Variants in STAT4 observed in about 807,000 individuals in gnomAD.
The protein encoded by STAT4 is signal transducer and activator of transcription 4.
A neutral mutation model predicts 110.5 loss-of-function variants in STAT4; 42 were observed. That is an observed-to-expected ratio of 0.38 (90% CI 0.30 to 0.49). The LOEUF (loss-of-function observed/expected upper bound fraction) is 0.49. Among genes scored for constraint, STAT4 ranks in the 20% least tolerant of loss-of-function variants. The pLI is 0.95. For missense variants in STAT4, 632 were observed against 887.9 expected (o/e 0.71, Z 3.66); for synonymous variants, 284 against 302.2 (o/e 0.94, Z 0.63).
chr2:191,130,747 G>A (rs1282559136), intron 3 of STAT4, among the ~76,000 whole-genome samples: 1 of 151,522 alleles, frequency 6.6e-6, no homozygotes, highest in African/African-American at 2.4e-5. Flanking sequence ...AATTTGTGGT[G>A]AGCTTATCTG....
chr2:191,082,923 A>C lies in STAT4; in HGVS notation c.274-6598T>G, dbSNP rs573503576. Among the ~76,000 whole-genome samples the C allele has an allele frequency of 5.3e-5, 8 of 152,244 alleles. No homozygotes were observed. The highest frequency in any genetic ancestry group is 1.9e-4 in the African/African-American group (8 of 41,522). Reference sequence around the variant, plus strand: ...TAAACACATTTGGAGGGTTAATACCACATTTAACAAATTTCTTCTGTATTG... The same window carrying C: ...TAAACACATTTGGAGGGTTAATACCCCATTTAACAAATTTCTTCTGTATTG... On this transcript the variant is annotated intron_variant, in intron 3 of 23. Coordinates refer to ENST00000392320, the MANE Select transcript of STAT4 (RefSeq NM_003151.4). This position sits in a 1 kb window ranked among gnomAD's most constrained non-coding sequence, Gnocchi z 4.7.
intron 3 of STAT4, among the ~76,000 whole-genome samples, chr2:191,103,448 T>C (rs553304180): frequency 2.6e-5 from 4 of 152,240 alleles, no homozygotes; most frequent in Admixed American, 2.6e-4. Flanking sequence ...TTATATCCAA[T>C]TATAAACCTG....
At chr2:191,080,199 T>C (rs1464217166) in intron 3 of STAT4, among the ~76,000 whole-genome samples, 1 of 152,172 alleles carries the variant, frequency 6.6e-6, no homozygotes, top group African/African-American at 2.4e-5. Context: ...CAATGCTTTT[T>C]ATCACTTAGA....
chr2:191,039,144 G>T lies in STAT4; in HGVS notation c.1434+55C>A. On this transcript the variant is annotated intron_variant, in intron 16 of 23. Coordinates refer to ENST00000392320, the MANE Select transcript of STAT4 (RefSeq NM_003151.4). This position sits in a 1 kb window ranked among gnomAD's most constrained non-coding sequence, Gnocchi z 4.7. ...ATGTTTTGATGCAGATGTGTTTGTT[G>T]GCAATAAAACAAATCGAATAGCATT... 6.7e-7 allele frequency: 1 copy of T among 1,499,184 alleles called. No individual in the cohort carries two copies. Among genetic ancestry groups the T allele is most frequent in the Non-Finnish European group, 9.3e-7 (1 of 1,075,434 alleles). The allele number at this position is 1,499,184 out of a possible 1,614,324, so 92.9% of individuals were successfully genotyped here.
At chr2:191,151,445 A>G, upstream of STAT4, 1 of 985,664 alleles carries the variant, frequency 1.0e-6, no homozygotes, top group Non-Finnish European at 1.2e-6. This position sits in a 1 kb window ranked among gnomAD's most constrained non-coding sequence, Gnocchi z 4.7. Flanking sequence ...CACCAAACTC[A>G]TAGACCTTAC....
Position 191,033,452 on chromosome 2 carries a change from A to G in STAT4, c.1852+38T>C. On this transcript the variant is annotated intron_variant, in intron 20 of 23. Transcript: ENST00000392320. This position sits in a 1 kb window ranked among gnomAD's most constrained non-coding sequence, Gnocchi z 6.9. ...AAATCCCAGTAACCAAATTTAAGAA[A>G]ACTAATTTCACATGAATAAACATTA... 1.3e-6 allele frequency: 2 copies of G among 1,580,828 alleles called. No homozygotes were observed. The highest frequency in any genetic ancestry group is 1.2e-5 in the South Asian group (1 of 85,776).
rs1350322245 is a variant in STAT4 at position 191,033,601 on chromosome 2, C to T, written c.1741G>A (p.Glu581Lys). 1 of 1,613,826 alleles carries T rather than the reference C, an allele frequency of 6.2e-7. No homozygotes were observed. Among genetic ancestry groups the T allele is most frequent in the Non-Finnish European group, 8.5e-7 (1 of 1,179,958 alleles). ...TCCTTTAGCAACAGCCGTTCCTTCT[C>T]TTTGCTAACAAAGCCCATGACATAC... is the stretch of plus-strand genomic sequence containing the variant. The part of the protein sequence containing the change: ...DGYVMGFVSK[E>K]KERLLLKDKM... The change falls in exon 20 of 24, where the codon GAG becomes AAG. Residue 581 changes from glutamate (E) to lysine (K), a missense_variant. Glu to Lys is a moderately conservative substitution (Grantham distance 56). Coordinates refer to ENST00000392320, the MANE Select transcript of STAT4 (RefSeq NM_003151.4). The surrounding 1 kb of genome is among the most constrained non-coding windows in gnomAD (Gnocchi z 6.9).
At chr2:191,078,273 G>C (rs939703192) in intron 3 of STAT4, among the ~76,000 whole-genome samples, 2 of 151,974 alleles carry the variant, frequency 1.3e-5, no homozygotes, top group African/African-American at 2.4e-5. Flanking sequence ...TTTCTATGCC[G>C]ATCATTCAGA....
chr2:191,062,743 T>C lies in STAT4; in HGVS notation c.941+19A>G. The stretch of plus-strand genomic sequence containing the variant: ...TTACTTCACAGAATGGAGGATGCCA[T>C]TGATAGCACTTCACTTACTTCTTGA... On this transcript the variant is annotated intron_variant, in intron 9 of 23. Transcript: ENST00000392320. The surrounding 1 kb of genome is among the most constrained non-coding windows in gnomAD (Gnocchi z 4.9). 6.2e-7 allele frequency: 1 copy of C among 1,612,918 alleles called. No individual in the cohort carries two copies. Among genetic ancestry groups the C allele is most frequent in the South Asian group, 1.1e-5 (1 of 90,978 alleles).
chr2:191,039,202 G>C lies in STAT4; in HGVS notation c.1431C>G (p.Ser477=). ...IIWYNVSTND[S]QNLVFFNNPP... ...TTGAGGTAGAAATAGAGTCTACCTG[G>C]GAATCGTTGGTTGACACGTTGTACC... Residue 477 remains serine, a synonymous_variant, in exon 16 of 24, where the codon TCC becomes TCG. Coordinates refer to ENST00000392320, the MANE Select transcript of STAT4 (RefSeq NM_003151.4). The surrounding 1 kb of genome is among the most constrained non-coding windows in gnomAD (Gnocchi z 4.7). 2 of 1,613,846 alleles carry C rather than the reference G, an allele frequency of 1.2e-6. No individual in the cohort carries two copies. The highest frequency in any genetic ancestry group is 1.7e-6 in the Non-Finnish European group (2 of 1,179,732).
chr2:191,055,907 C>G (rs1404116645), intron 13 of STAT4, among the ~76,000 whole-genome samples: 1 of 152,152 alleles, frequency 6.6e-6, no homozygotes, highest in East Asian at 1.9e-4. Context: ...TATTACTAAA[C>G]ATGGCCCCTT....
intron 3 of STAT4, among the ~76,000 whole-genome samples, chr2:191,095,245 G>C (rs1275095604): frequency 1.3e-5 from 2 of 152,142 alleles, no homozygotes; most frequent in Non-Finnish European, 2.9e-5. Context: ...ACTGAACTCA[G>C]CTCTGCAACA....
chr2:191,044,858 G>A (rs1696305912), intron 14 of STAT4, among the ~76,000 whole-genome samples: 1 of 152,230 alleles, frequency 6.6e-6, no homozygotes, highest in East Asian at 1.9e-4. Flanking sequence ...TGACAAGTAT[G>A]TAAATTAATC....
chr2:191,129,340 G>A (rs1042381478), intron 3 of STAT4, among the ~76,000 whole-genome samples: 1 of 152,164 alleles, frequency 6.6e-6, no homozygotes, highest in Non-Finnish European at 1.5e-5. Context: ...TGAAGTCCCA[G>A]CTACTTGGGA....
rs112424863 is a variant in STAT4 at position 191,091,939 on chromosome 2, A to G, written c.274-15614T>C. 2.6e-5 allele frequency among the ~76,000 whole-genome samples: 4 copies of G among 152,366 alleles called. No individual in the cohort carries two copies. The highest frequency in any genetic ancestry group is 2.1e-4 in the South Asian group (1 of 4,830). On this transcript the variant is annotated intron_variant, in intron 3 of 23. Transcript: ENST00000392320. This position sits in a 1 kb window ranked among gnomAD's most constrained non-coding sequence, Gnocchi z 5.4. Reference sequence around the variant, plus strand: ...AAGGTCATTGTATCCAATAGTAATGACATATAACTAGATTAGCAGAGCATA... The same window carrying G: ...AAGGTCATTGTATCCAATAGTAATGGCATATAACTAGATTAGCAGAGCATA...
chr2:191,124,433 G>A (rs58087008), intron 3 of STAT4, among the ~76,000 whole-genome samples: 12 of 131,130 alleles, frequency 9.2e-5, no homozygotes, highest in East Asian at 4.6e-4. Flanking sequence ...CCAGCCTGGC[G>A]ACAGAGTGAG....
At position 191,030,918 on chromosome 2, in the gene STAT4, C is replaced by T; in HGVS notation, c.2220+54G>A. 2 of 1,536,742 alleles carry T rather than the reference C, an allele frequency of 1.3e-6. No individual in the cohort carries two copies. Among genetic ancestry groups the T allele is most frequent in the Non-Finnish European group, 1.8e-6 (2 of 1,110,712 alleles). On this transcript the variant is annotated intron_variant, in intron 23 of 23. Coordinates refer to ENST00000392320, the MANE Select transcript of STAT4 (RefSeq NM_003151.4). This position sits in a 1 kb window ranked among gnomAD's most constrained non-coding sequence, Gnocchi z 4.4. ...TCAGCCCCTTTGATTCACACACCAC[C>T]TTTGCATCGTTGGAAACACCTTTGA...
At chr2:191,079,184 G>A (rs767204236) in intron 3 of STAT4, among the ~76,000 whole-genome samples, 7 of 141,836 alleles carry the variant, frequency 4.9e-5, no homozygotes, top group Non-Finnish European at 9.4e-5. Flanking sequence ...ATGTCAAGTA[G>A]AATAGGTCTT....
rs897870675 is a variant in STAT4 at position 191,083,459 on chromosome 2, G to A, written c.274-7134C>T. On this transcript the variant is annotated intron_variant, in intron 3 of 23. Coordinates refer to ENST00000392320, the MANE Select transcript of STAT4 (RefSeq NM_003151.4). The surrounding 1 kb of genome is among the most constrained non-coding windows in gnomAD (Gnocchi z 4.6). ...ACTAAAATGATAAGGCCAAGAAGAT[G>A]TGAACAGGACAGCCCCACCTCTGCT... 6.6e-6 allele frequency among the ~76,000 whole-genome samples: 1 copy of A among 152,182 alleles called. No homozygotes were observed. The highest frequency in any genetic ancestry group is 1.5e-5 in the Non-Finnish European group (1 of 68,040).
Sources: gnomAD v4.1 joint callset for allele counts (sites outside exome capture counted in the v4.1 genomes callset) on GRCh38, gnomAD v4.1.1 for gene constraint, Gnocchi (gnomAD v3.1) non-coding constraint, MANE v1.5 for transcripts, NCBI Gene and HGNC (gene_info 2026-07-23, HGNC 2026-07-21) for gene names.